ANO10: variants seen among roughly 807,000 people sequenced by gnomAD.
ANO10 encodes anoctamin-10.
ANO10 carries 77 observed loss-of-function variants against 74.7 expected under a neutral mutation model. The ratio of observed to expected loss-of-function variants is 1.03; its 90% confidence interval spans 0.86 to 1.25. The LOEUF (loss-of-function observed/expected upper bound fraction) is 1.25. ANO10 is among the 50% of genes most tolerant of loss of function. The pLI is 0.00. For synonymous variants in ANO10, 279 were observed against 284.9 expected (o/e 0.98, Z 0.21); for missense variants, 721 against 778.1 (o/e 0.93, Z 0.87).
chr3:43,548,493 T>C lies in ANO10; in HGVS notation c.1797+1227A>G, dbSNP rs1227532280. ...CTAAAATCATTCTCCAAAATGCATA[T>C]TCCACATATAGCATCTATCATGAAC... On this transcript the variant is annotated intron_variant, in intron 11 of 12. Transcript: ENST00000292246. Among the ~76,000 whole-genome samples, 10 of 152,352 alleles carry C rather than the reference T, an allele frequency of 6.6e-5. No individual in the cohort carries two copies. The East Asian group carries it at 7.7e-4, about 12-fold the overall frequency.
Position 43,577,096 on chromosome 3 carries a change from C to T in ANO10, c.758G>A (p.Trp253Ter), listed in dbSNP as rs2081044754. The T allele has an allele frequency of 1.2e-6, 2 of 1,614,138 alleles. No individual in the cohort carries two copies. The highest frequency in any genetic ancestry group is 1.7e-6 in the Non-Finnish European group (2 of 1,180,036). The change falls in exon 6 of 13, where the codon TGG becomes TAG. Residue 253 changes from tryptophan to a stop codon, truncating the protein, a stop_gained. Transcript: ENST00000292246. LOFTEE classifies it high-confidence loss of function. ...CCACAGTTCCAGAATCACCGTGGAC[C>T]AGATGAGGTTGAACGAGGCAAAGAT... ...YVIFASFNLI[W>*]STVILELWKR...
intron 11 of ANO10, among the ~76,000 whole-genome samples, chr3:43,477,499 G>T (rs1010470116): frequency 6.6e-6 from 1 of 152,166 alleles, no homozygotes; most frequent in South Asian, 2.1e-4. Flanking sequence ...CAGCTGACGT[G>T]TTATATTTTA....
intron 1 of ANO10, among the ~76,000 whole-genome samples, chr3:43,686,631 C>T (rs1298867423): frequency 2.0e-5 from 3 of 152,166 alleles, no homozygotes; most frequent in Non-Finnish European, 4.4e-5. Flanking sequence ...GTAGACCTTG[C>T]TGTCCAGTAT....
intron 1 of ANO10, among the ~76,000 whole-genome samples, chr3:43,641,582 C>G (rs1204135855): frequency 2.6e-5 from 4 of 152,182 alleles, no homozygotes. Flanking sequence ...GAAAAAACTA[C>G]TGAGAAATGT....
chr3:43,481,112 A>C (rs1426768447), intron 11 of ANO10, among the ~76,000 whole-genome samples: 1 of 150,734 alleles, frequency 6.6e-6, no homozygotes, highest in Non-Finnish European at 1.5e-5. Flanking sequence ...GAGTCAATAA[A>C]ACTGAAAGAC....
At chr3:43,369,855 C>T (rs56395291) in intron 12 of ANO10, among the ~76,000 whole-genome samples, 4,213 of 152,292 alleles carry the variant, frequency 0.028, 206 homozygotes, top group African/African-American at 0.093. Flanking sequence ...CTGAGACAAG[C>T]TAAGTTGTCA....
chr3:43,681,221 G>A (rs1575591446), intron 1 of ANO10, among the ~76,000 whole-genome samples: 3 of 152,084 alleles, frequency 2.0e-5, no homozygotes, highest in East Asian at 3.9e-4. Context: ...TCAAAATAAA[G>A]GGATGGAGGA....
Position 43,461,167 on chromosome 3 carries a change from A to G in ANO10, c.1798-28440T>C, listed in dbSNP as rs538638762. 6.8e-4 allele frequency among the ~76,000 whole-genome samples: 104 copies of G among 152,300 alleles called. 1 individual carries two copies. The highest frequency in any genetic ancestry group is 9.9e-4 in the Non-Finnish European group (67 of 68,018). On this transcript the variant is annotated intron_variant, in intron 11 of 12. Coordinates refer to ENST00000292246, the MANE Select transcript of ANO10 (RefSeq NM_018075.5). ...AAGAAGAAAGACATAAATTACCAAT[A>G]TCAGGAATAAAAAAGGAGATATCAT...
rs532997298 is a variant in ANO10 at position 43,480,225 on chromosome 3, C to A, written c.1798-47498G>T. On this transcript the variant is annotated intron_variant, in intron 11 of 12. Coordinates refer to ENST00000292246, the MANE Select transcript of ANO10 (RefSeq NM_018075.5). ...GACACAAAAATAGGGGGAAAACATA[C>A]AACAAATGGTAAGTCCAGAAAATGC... is the stretch of plus-strand genomic sequence containing the variant. 2.0e-5 allele frequency among the ~76,000 whole-genome samples: 3 copies of A among 152,122 alleles called. No homozygotes were observed. In the South Asian group the frequency reaches 6.2e-4, roughly 32 times the overall value.
At chr3:43,497,582 C>T (rs1181777783) in intron 11 of ANO10, among the ~76,000 whole-genome samples, 1 of 152,062 alleles carries the variant, frequency 6.6e-6, no homozygotes, top group Non-Finnish European at 1.5e-5. Flanking sequence ...TTAATGAATC[C>T]ACCCTACTGA....
At chr3:43,586,555 A>C (rs2081490323) in intron 4 of ANO10, among the ~76,000 whole-genome samples, 1 of 152,208 alleles carries the variant, frequency 6.6e-6, no homozygotes, top group South Asian at 2.1e-4. Context: ...ATAAAAAATA[A>C]GTAATAATCA....
intron 11 of ANO10, among the ~76,000 whole-genome samples, chr3:43,471,576 A>G (rs1301109826): frequency 6.6e-6 from 1 of 152,172 alleles, no homozygotes; most frequent in Non-Finnish European, 1.5e-5. Context: ...CCAAGCTTCT[A>G]GACACAATTT....
chr3:43,648,134 A>G (rs1559384013), intron 1 of ANO10, among the ~76,000 whole-genome samples: 1 of 152,204 alleles, frequency 6.6e-6, no homozygotes, highest in Non-Finnish European at 1.5e-5. Flanking sequence ...CCTCACGTAT[A>G]AAGTTTTATA....
chr3:43,551,357 G>C (rs1478058385), intron 10 of ANO10: 9 of 351,572 alleles, frequency 2.6e-5, no homozygotes, highest in Non-Finnish European at 1.7e-5. Context: ...CAATATGTTT[G>C]TAACTAAACT....
chr3:43,509,042 A>C (rs1234495705), intron 11 of ANO10, among the ~76,000 whole-genome samples: 1 of 152,054 alleles, frequency 6.6e-6, no homozygotes, highest in Non-Finnish European at 1.5e-5. Flanking sequence ...GCAGCCATAG[A>C]AAAGGATGAA....
At chr3:43,623,963 C>T (rs1180182716), upstream of ANO10, among the ~76,000 whole-genome samples, 1 of 152,152 alleles carries the variant, frequency 6.6e-6, no homozygotes, top group Non-Finnish European at 1.5e-5. Context: ...CATCCTAGAA[C>T]GCACGGCCAT....
chr3:43,375,131 C>G (rs1268564067), intron 12 of ANO10, among the ~76,000 whole-genome samples: 1 of 147,268 alleles, frequency 6.8e-6, no homozygotes, highest in East Asian at 2.1e-4. Context: ...AAAAAAAAAA[C>G]AAACAACAAA....
At chr3:43,643,655 G>A (rs2083694304) in intron 1 of ANO10, among the ~76,000 whole-genome samples, 1 of 147,258 alleles carries the variant, frequency 6.8e-6, no homozygotes. Context: ...ATTGTTAAAA[G>A]CTTTTCATGT....
chr3:43,581,884 C>G (rs1388158580), intron 4 of ANO10, among the ~76,000 whole-genome samples: 1 of 150,666 alleles, frequency 6.6e-6, no homozygotes, highest in African/African-American at 2.4e-5. Flanking sequence ...TATGATAATG[C>G]CACTGCAGTC....
Sources: allele counts gnomAD v4.1 joint callset (sites outside exome capture counted in the v4.1 genomes callset), GRCh38; gene constraint gnomAD v4.1.1; transcripts MANE v1.5; gene names NCBI Gene and HGNC (gene_info 2026-07-23, HGNC 2026-07-21).